Variants in KLF12 observed in about 807,000 individuals in gnomAD.
KLF12 encodes Krueppel-like factor 12.
In KLF12, 9 loss-of-function variants were observed where a neutral mutation model predicts 37.8. That is an observed-to-expected ratio of 0.24 (90% CI 0.14 to 0.42). The LOEUF (loss-of-function observed/expected upper bound fraction) is 0.42. KLF12 is among the 10% of genes least tolerant of loss of function. The pLI, the probability that KLF12 is intolerant of heterozygous loss-of-function variation, is 1.00. For missense variants in KLF12, 411 were observed against 516.0 expected, an observed-to-expected ratio of 0.80 and a Z score of 1.97; for synonymous variants, 208 against 202.1, an observed-to-expected ratio of 1.03 and a Z score of -0.25.
chr13:73,797,608 A>T (rs1330507912), intron 5 of KLF12, among the ~76,000 whole-genome samples: 1 of 151,984 alleles, frequency 6.6e-6, no homozygotes, highest in Non-Finnish European at 1.5e-5. Flanking sequence ...CATTTCTACA[A>T]AAATTTAAAA....
intron 3 of KLF12, among the ~76,000 whole-genome samples, chr13:73,905,875 T>C (rs1178921824): frequency 6.6e-6 from 1 of 152,154 alleles, no homozygotes; most frequent in Non-Finnish European, 1.5e-5. Flanking sequence ...CAAACAGATA[T>C]CTTTTCCTCA....
intron 1 of KLF12, among the ~76,000 whole-genome samples, chr13:74,076,137 T>C (rs1874547603): frequency 6.6e-6 from 1 of 152,208 alleles, no homozygotes; most frequent in Admixed American, 6.5e-5. Flanking sequence ...AATAGGGGAA[T>C]TGTATGGTAC....
chr13:73,706,271 T>C (rs1353924379), intron 7 of KLF12, among the ~76,000 whole-genome samples: 1 of 152,216 alleles, frequency 6.6e-6, no homozygotes, highest in Non-Finnish European at 1.5e-5. Context: ...TAGTTATTTA[T>C]TTAAATGAGG....
intron 1 of KLF12, among the ~76,000 whole-genome samples, chr13:74,024,859 A>G (rs1892934249): frequency 2.0e-5 from 3 of 152,154 alleles, no homozygotes; most frequent in Admixed American, 1.3e-4. Context: ...ATATACTTCA[A>G]ATATTTGATA....
At chr13:74,110,806 G>C (rs1315993830) in intron 1 of KLF12, among the ~76,000 whole-genome samples, 2 of 151,964 alleles carry the variant, frequency 1.3e-5, no homozygotes, top group Admixed American at 6.6e-5. Context: ...AGAACTCAAG[G>C]GTTTGTAATC....
At chr13:74,022,546 C>A (rs929576167) in intron 1 of KLF12, among the ~76,000 whole-genome samples, 2 of 152,180 alleles carry the variant, frequency 1.3e-5, no homozygotes, top group African/African-American at 4.8e-5. Flanking sequence ...CACTGGGTAT[C>A]CCCTCACATC....
At chr13:73,900,839 C>T (rs576064475) in intron 3 of KLF12, among the ~76,000 whole-genome samples, 11 of 152,100 alleles carry the variant, frequency 7.2e-5, no homozygotes, top group Admixed American at 1.3e-4. Context: ...CCTCCACACA[C>T]ATTCTCATCA....
chr13:74,085,254 A>G (rs1362990480), intron 1 of KLF12, among the ~76,000 whole-genome samples: 1 of 152,190 alleles, frequency 6.6e-6, no homozygotes, highest in Non-Finnish European at 1.5e-5. Context: ...ATATGCAAAA[A>G]CGGGGATACC....
intron 1 of KLF12, among the ~76,000 whole-genome samples, chr13:74,063,067 G>A (rs185248276): frequency 6.2e-4 from 94 of 152,260 alleles, no homozygotes; most frequent in Admixed American, 1.0e-3. Flanking sequence ...CTCTCTCTCC[G>A]AGCTTCCTCT....
At chr13:73,980,724 T>C (rs1011437506) in intron 2 of KLF12, among the ~76,000 whole-genome samples, 6 of 152,104 alleles carry the variant, frequency 3.9e-5, no homozygotes, top group Admixed American at 2.6e-4. Flanking sequence ...AATAAACATA[T>C]GAACCATTAA....
chr13:73,813,979 C>A (rs1368468514), intron 4 of KLF12, among the ~76,000 whole-genome samples: 1 of 152,202 alleles, frequency 6.6e-6, no homozygotes, highest in African/African-American at 2.4e-5. Flanking sequence ...GGAAACGGCA[C>A]AATGTTCTGA....
chr13:73,839,914 C>T (rs181020767), intron 4 of KLF12, among the ~76,000 whole-genome samples: 10 of 152,150 alleles, frequency 6.6e-5, no homozygotes, highest in African/African-American at 2.4e-4. Flanking sequence ...TTTTAAAACC[C>T]CTCCCTTGAG....
intron 1 of KLF12, among the ~76,000 whole-genome samples, chr13:74,062,334 C>G (rs1273397274): frequency 6.6e-6 from 1 of 152,138 alleles, no homozygotes; most frequent in Non-Finnish European, 1.5e-5. Context: ...GTTGATGTAT[C>G]TGGACTTTTT....
chr13:73,891,250 C>T (rs544654306), intron 3 of KLF12, among the ~76,000 whole-genome samples: 1 of 152,116 alleles, frequency 6.6e-6, no homozygotes, highest in South Asian at 2.1e-4. Flanking sequence ...AGCCAGAAAA[C>T]ATTTTTATAT....
chr13:73,831,705 T>C (rs907318291), intron 4 of KLF12, among the ~76,000 whole-genome samples: 3 of 152,160 alleles, frequency 2.0e-5, no homozygotes, highest in African/African-American at 7.2e-5. Context: ...TTACCCTCAG[T>C]GCCCCTACAG....
the KLF12 span, among the ~76,000 whole-genome samples, chr13:74,267,806 C>G: frequency 6.6e-6 from 1 of 152,088 alleles, no homozygotes; most frequent in African/African-American, 2.4e-5. Flanking sequence ...TTGATTGCTA[C>G]ATAGTATATG....
intron 6 of KLF12, among the ~76,000 whole-genome samples, chr13:73,734,285 T>C (rs1450901297): frequency 1.3e-5 from 2 of 152,090 alleles, no homozygotes; most frequent in African/African-American, 2.4e-5. Flanking sequence ...CTTCTCACTG[T>C]CTATTGCTTG....
intron 4 of KLF12, among the ~76,000 whole-genome samples, chr13:73,818,556 T>C (rs1244028391): frequency 6.6e-6 from 1 of 152,246 alleles, no homozygotes; most frequent in African/African-American, 2.4e-5. Flanking sequence ...CAAACACTCT[T>C]CTAACTTCTG....
chr13:73,775,971 G>A (rs573204191), intron 5 of KLF12, among the ~76,000 whole-genome samples: 1 of 152,180 alleles, frequency 6.6e-6, no homozygotes, highest in Non-Finnish European at 1.5e-5. Flanking sequence ...TACGTCGTTT[G>A]GTTCACAGGC....
Sources: allele counts gnomAD v4.1 joint callset (sites outside exome capture counted in the v4.1 genomes callset), GRCh38; gene constraint gnomAD v4.1.1; transcripts MANE v1.5; gene names NCBI Gene and HGNC (gene_info 2026-07-23, HGNC 2026-07-21).